Variants in ZNF773 observed in about 807,000 individuals in gnomAD.
The protein encoded by ZNF773 is zinc finger protein 419B.
A neutral mutation model predicts 12.8 loss-of-function variants in ZNF773; 11 were observed. The observed-to-expected ratio is 0.86, with a 90% CI of 0.54 to 1.42. The LOEUF (loss-of-function observed/expected upper bound fraction) is 1.42, where lower values mean the gene tolerates loss of function less well. Ranked by LOEUF, ZNF773 falls within the 40% of genes most tolerant of loss-of-function variation. The pLI, the probability that ZNF773 is intolerant of heterozygous loss-of-function variation, is 0.00. For missense variants in ZNF773, 518 were observed against 527.2 expected (o/e 0.98, Z 0.17); for synonymous variants, 175 against 178.4 (o/e 0.98, Z 0.15).
At position 57,507,401 on chromosome 19, in the gene ZNF773, A is replaced by C. The variant is rs1332781116; in HGVS notation, c.1306A>C (p.Ile436Leu). ...HSSSLVKHRR[I>L]HTGEIQ Reference sequence around the variant, plus strand: ...CTCCAGTCTTGTTAAACATCGAAGGATTCACACTGGAGAAATACAATGATT... The same window carrying C: ...CTCCAGTCTTGTTAAACATCGAAGGCTTCACACTGGAGAAATACAATGATT... Residue 436 changes from isoleucine to leucine, a missense_variant, in exon 4 of 4, where the codon ATT (isoleucine) becomes CTT (leucine). Physicochemically the swap from Ile to Leu is conservative, Grantham distance 5 (BLOSUM62 2). Transcript: ENST00000282292. 2 of 1,604,058 alleles carry C rather than the reference A, an allele frequency of 1.2e-6. No individual in the cohort carries two copies. The highest frequency in any genetic ancestry group is 1.7e-6 in the Non-Finnish European group (2 of 1,176,122).
downstream of ZNF773, chr19:57,508,703 T>A: frequency 5.3e-6 from 3 of 563,228 alleles, no homozygotes; most frequent in Non-Finnish European, 9.5e-6. Flanking sequence ...ATGGAAGTCA[T>A]AGGCCATTCA....
At position 57,500,013 on chromosome 19, in the gene ZNF773, G is replaced by T. The variant is rs1344103828; in HGVS notation, c.-68G>T. The T allele has an allele frequency of 6.5e-7, 1 of 1,528,212 alleles. No individual in the cohort carries two copies. Among genetic ancestry groups the T allele is most frequent in the Non-Finnish European group, 8.8e-7 (1 of 1,137,008 alleles). 94.7% of individuals were successfully genotyped at this position (1,528,212 alleles called of 1,614,324 possible). A position where few individuals can be genotyped will look rare whatever the true frequency, so the allele number is the denominator to read the frequency against. On this transcript the variant is annotated 5_prime_UTR_variant, in exon 1 of 4. Transcript: ENST00000282292. ...CTCGCAGCTCAGAGGCGGGTCTGAG[G>T]CTCGGTGGCGGCGCCCAGGGTGGCC...
chr19:57,508,295 C>G, downstream of ZNF773: 1 of 1,217,392 alleles, frequency 8.2e-7, no homozygotes, highest in African/African-American at 1.5e-5. Context: ...AGCCCTCTGT[C>G]TTGGAGCTCC....
chr19:57,511,644 CAT>C (rs1462356671), downstream of ZNF773, among the ~76,000 whole-genome samples: 2 of 152,022 alleles, frequency 1.3e-5, no homozygotes, highest in South Asian at 4.1e-4. Context: ...AGAACAAAAA[CAT>C]GTGTCCTAGA....
intron 1 of ZNF773, among the ~76,000 whole-genome samples, chr19:57,501,585 C>T (rs868358113): frequency 4.6e-5 from 7 of 152,096 alleles, no homozygotes; most frequent in African/African-American, 1.7e-4. Flanking sequence ...AGCATTTTTC[C>T]AAGGGCACAC....
At chr19:57,505,018 C>T in intron 2 of ZNF773, 1 of 734,246 alleles carries the variant, frequency 1.4e-6, no homozygotes, top group Non-Finnish European at 2.4e-6. Flanking sequence ...TTGCAGTCAG[C>T]TTGATGGATC....
At chr19:57,502,677 G>A (rs556337706) in intron 1 of ZNF773, among the ~76,000 whole-genome samples, 3 of 151,760 alleles carry the variant, frequency 2.0e-5, no homozygotes, top group South Asian at 2.1e-4. Context: ...TGAAGTCTGC[G>A]TTTTTTTTGT....
chr19:57,509,047 G>T (rs57407947), downstream of ZNF773, among the ~76,000 whole-genome samples: 4 of 151,960 alleles, frequency 2.6e-5, no homozygotes, highest in Non-Finnish European at 4.4e-5. Context: ...TGATCATCCT[G>T]CCTCAGCCTC....
downstream of ZNF773, among the ~76,000 whole-genome samples, chr19:57,511,051 A>T (rs1442211783): frequency 8.8e-5 from 12 of 136,800 alleles, no homozygotes; most frequent in Middle Eastern, 3.4e-3. Flanking sequence ...ATTTTATTTT[A>T]TTTATTTTTT....
At chr19:57,512,032 T>C (rs948971564), downstream of ZNF773, among the ~76,000 whole-genome samples, 3 of 152,142 alleles carry the variant, frequency 2.0e-5, no homozygotes, top group African/African-American at 4.8e-5. Flanking sequence ...ACTGAAAGAG[T>C]ACAGGAAAAT....
At chr19:57,501,070 C>G in intron 1 of ZNF773, among the ~76,000 whole-genome samples, 1 of 152,058 alleles carries the variant, frequency 6.6e-6, no homozygotes, top group Non-Finnish European at 1.5e-5. Context: ...CTTAGTAGTT[C>G]CTCATGTCCA....
chr19:57,509,932 C>T (rs1356215329), downstream of ZNF773, among the ~76,000 whole-genome samples: 1 of 152,150 alleles, frequency 6.6e-6, no homozygotes, highest in Non-Finnish European at 1.5e-5. Context: ...AGTTCAAACA[C>T]TTCTGAACTA....
At chr19:57,501,361 T>C (rs1198836463) in intron 1 of ZNF773, among the ~76,000 whole-genome samples, 3 of 151,228 alleles carry the variant, frequency 2.0e-5, no homozygotes, top group Non-Finnish European at 4.4e-5. Flanking sequence ...GATTACAGGC[T>C]TGAGCCACTG....
chr19:57,509,261 A>C (rs2089777873), downstream of ZNF773, among the ~76,000 whole-genome samples: 1 of 152,184 alleles, frequency 6.6e-6, no homozygotes, highest in African/African-American at 2.4e-5. Flanking sequence ...TGAGTATGCT[A>C]CTGTAGTCTT....
intron 1 of ZNF773, among the ~76,000 whole-genome samples, chr19:57,504,000 G>A (rs1403274640): frequency 6.6e-6 from 1 of 152,178 alleles, no homozygotes; most frequent in Admixed American, 6.5e-5. Flanking sequence ...GCTGACATTG[G>A]GCAGGAACAG....
downstream of ZNF773, among the ~76,000 whole-genome samples, chr19:57,509,328 A>G (rs916772): frequency 0.36 from 55,014 of 152,096 alleles, 10,342 homozygotes; most frequent in East Asian, 0.62. Flanking sequence ...CTACAGATAA[A>G]GAATTTGATG....
downstream of ZNF773, chr19:57,515,251 T>C (rs2089824573): frequency 6.6e-6 from 1 of 152,274 alleles, no homozygotes; most frequent in Non-Finnish European, 1.5e-5. Context: ...CACAACTTCC[T>C]GGACCACTAT....
downstream of ZNF773, among the ~76,000 whole-genome samples, chr19:57,509,148 T>C (rs887908862): frequency 1.3e-5 from 2 of 152,216 alleles, no homozygotes; most frequent in African/African-American, 2.4e-5. Context: ...TTGTCCTAAT[T>C]TTTATGAAGC....
downstream of ZNF773, chr19:57,508,546 C>T: frequency 1.4e-6 from 1 of 701,014 alleles, no homozygotes; most frequent in Non-Finnish European, 2.6e-6. Context: ...GTCGGCAAAT[C>T]TCCTCACTCA....
Sources: allele counts gnomAD v4.1 joint callset (sites outside exome capture counted in the v4.1 genomes callset), GRCh38; gene constraint gnomAD v4.1.1; transcripts MANE v1.5; gene names NCBI Gene and HGNC (gene_info 2026-07-23, HGNC 2026-07-21).